Variants in PTBP2 observed in about 807,000 individuals in gnomAD.
The protein encoded by PTBP2 is polypyrimidine tract-binding protein 2.
PTBP2 carries 13 observed loss-of-function variants against 61.4 expected under a neutral mutation model. The observed-to-expected ratio is 0.21, with a 90% CI of 0.14 to 0.34. PTBP2 has a LOEUF of 0.34. Among genes scored for constraint, PTBP2 ranks in the 10% least tolerant of loss-of-function variants. The pLI is 1.00. For missense variants in PTBP2, 405 were observed against 642.6 expected (o/e 0.63, Z 4.00); for synonymous variants, 215 against 218.5 (o/e 0.98, Z 0.14).
intron 3 of PTBP2, among the ~76,000 whole-genome samples, chr1:96,756,476 G>T (rs1471035658): frequency 6.6e-6 from 1 of 152,180 alleles, no homozygotes; most frequent in South Asian, 2.1e-4. Context: ...CTTAGTCTGC[G>T]CAGAAAGTAG....
chr1:96,768,203 G>A (rs1222963564), intron 3 of PTBP2, among the ~76,000 whole-genome samples: 2 of 152,000 alleles, frequency 1.3e-5, no homozygotes, highest in Admixed American at 6.6e-5. Context: ...AGTTAGTCCA[G>A]CTCCCTACTA....
intron 2 of PTBP2, among the ~76,000 whole-genome samples, chr1:96,740,069 G>C (rs955950812): frequency 6.6e-6 from 1 of 152,082 alleles, no homozygotes; most frequent in Admixed American, 6.5e-5. Context: ...AATGTCCTCA[G>C]GGTCCATCCA....
At chr1:96,769,209 A>G (rs1657102398) in intron 3 of PTBP2, among the ~76,000 whole-genome samples, 1 of 152,030 alleles carries the variant, frequency 6.6e-6, no homozygotes, top group South Asian at 2.1e-4. Context: ...TAGGCAACAA[A>G]TTTGACAGCA....
intron 8 of PTBP2, among the ~76,000 whole-genome samples, chr1:96,792,255 A>G (rs1659930676): frequency 1.3e-5 from 2 of 152,198 alleles, no homozygotes; most frequent in South Asian, 4.1e-4. Flanking sequence ...ACTAATATTA[A>G]CCATTTTTGT....
intron 3 of PTBP2, among the ~76,000 whole-genome samples, chr1:96,763,533 G>A (rs574245738): frequency 5.5e-5 from 8 of 146,758 alleles, no homozygotes; most frequent in Non-Finnish European, 7.5e-5. Flanking sequence ...CAGCAGTACA[G>A]TCCAGCTTCG....
At position 96,728,377 on chromosome 1, in the gene PTBP2, T is replaced by A. The variant is rs1048533745; in HGVS notation, c.39+4783T>A. 2.0e-5 allele frequency among the ~76,000 whole-genome samples: 3 copies of A among 152,244 alleles called. No individual in the cohort carries two copies. The South Asian group carries it at 6.2e-4, about 31-fold the overall frequency. On this transcript the variant is annotated intron_variant, in intron 2 of 13. Transcript: ENST00000674951. ...AATATTTTGAATATGGTACAAAGTGTGGGTCAGAAGTATTTGGTTTTGCAT... is the reference window on the plus strand; with the variant it reads ...AATATTTTGAATATGGTACAAAGTGAGGGTCAGAAGTATTTGGTTTTGCAT...
chr1:96,809,832 G>A (rs1262391641), intron 11 of PTBP2, among the ~76,000 whole-genome samples: 1 of 151,952 alleles, frequency 6.6e-6, no homozygotes, highest in African/African-American at 2.4e-5. Context: ...AAGTCTTGAC[G>A]GGAAGTTTTA....
chr1:96,812,936 T>C lies in PTBP2; in HGVS notation c.1388+8T>C. 1 of 1,603,166 alleles carries C rather than the reference T, an allele frequency of 6.2e-7. No individual in the cohort carries two copies. The highest frequency in any genetic ancestry group is 8.5e-7 in the Non-Finnish European group (1 of 1,170,168). ...TCACCTATCTAATATCCCGTAAGTA[T>C]ATAAGCTAGAGTGTATTGAGATACA... On this transcript the variant is annotated splice_region_variant and intron_variant, in intron 12 of 13. Coordinates refer to ENST00000674951, the MANE Select transcript of PTBP2 (RefSeq NM_021190.4).
At chr1:96,722,973 A>G (rs1293263661) in intron 1 of PTBP2, among the ~76,000 whole-genome samples, 1 of 152,228 alleles carries the variant, frequency 6.6e-6, no homozygotes, top group African/African-American at 2.4e-5. Flanking sequence ...AAGTACATTT[A>G]TTAAAATCAG....
intron 2 of PTBP2, among the ~76,000 whole-genome samples, chr1:96,736,710 G>T (rs963042013): frequency 6.6e-6 from 1 of 151,950 alleles, no homozygotes; most frequent in African/African-American, 2.4e-5. Context: ...TTAAGATAGG[G>T]TCTTGCTCTG....
rs1320148501 is a variant in PTBP2 at position 96,814,503 on chromosome 1, C to T, written c.*1098C>T. 6.6e-6 allele frequency: 1 copy of T among 152,460 alleles called. No homozygotes were observed. The highest frequency in any genetic ancestry group is 1.5e-5 in the Non-Finnish European group (1 of 67,954). 9.4% of individuals were successfully genotyped at this position (152,460 alleles called of 1,614,324 possible). The stretch of plus-strand genomic sequence containing the variant: ...ATTGTAATATTCAGTTTTAATAAAT[C>T]TTCAAAATATTTTGTATTTAGGAAT... On this transcript the variant is annotated 3_prime_UTR_variant, in exon 14 of 14. Coordinates refer to ENST00000674951, the MANE Select transcript of PTBP2 (RefSeq NM_021190.4).
At chr1:96,811,415 G>A (rs911296702) in intron 11 of PTBP2, among the ~76,000 whole-genome samples, 18 of 151,814 alleles carry the variant, frequency 1.2e-4, no homozygotes, top group African/African-American at 4.3e-4. Context: ...ACTGTTTTTT[G>A]TTGGTTTTTG....
At chr1:96,770,114 T>C (rs868657747) in intron 4 of PTBP2, among the ~76,000 whole-genome samples, 56 of 152,190 alleles carry the variant, frequency 3.7e-4, no homozygotes, top group African/African-American at 1.2e-3. Context: ...ATAATTGTTA[T>C]GAAATTGTGG....
intron 1 of PTBP2, among the ~76,000 whole-genome samples, chr1:96,722,833 G>GTC (rs1181567327): frequency 6.6e-6 from 1 of 152,172 alleles, no homozygotes; most frequent in Non-Finnish European, 1.5e-5. Context: ...AGGGACCGAT[G>GTC]TCTCGCTCAT....
intron 11 of PTBP2, among the ~76,000 whole-genome samples, chr1:96,809,947 G>A (rs778195877): frequency 2.0e-5 from 3 of 151,730 alleles, no homozygotes; most frequent in Admixed American, 1.3e-4. Flanking sequence ...GCCACAAGTT[G>A]GATTCTTTGA....
intron 5 of PTBP2, among the ~76,000 whole-genome samples, chr1:96,774,841 T>C (rs1396143852): frequency 1.3e-5 from 2 of 152,240 alleles, no homozygotes; most frequent in Admixed American, 1.3e-4. Flanking sequence ...TTACTACTTT[T>C]TGTCTTGTCT....
At chr1:96,809,327 G>A (rs1413156969) in intron 11 of PTBP2, among the ~76,000 whole-genome samples, 1 of 152,146 alleles carries the variant, frequency 6.6e-6, no homozygotes, top group Non-Finnish European at 1.5e-5. Flanking sequence ...AAACGCATAT[G>A]GAACATTTTT....
chr1:96,785,192 A>T lies in PTBP2; in HGVS notation c.842A>T (p.Asp281Val). The change falls in exon 8 of 14, where the codon GAT becomes GTT. Residue 281 changes from aspartate (D) to valine (V), a missense_variant. Asp to Val is a radical substitution (Grantham distance 152). Around this residue, in one of 4 missense-constraint regions of PTBP2, gnomAD observed 342 missense variants for 491.2 expected, o/e 0.70. Transcript: ENST00000674951. Reference protein sequence around the residue: ...DYTRPDLPSGDGQPALDPAIA... With the variant: ...DYTRPDLPSGVGQPALDPAIA... ...ACTCGACCTGATCTTCCATCTGGGG[A>T]TGGACAACCTGCATTGGACCCAGCT... The T allele has an allele frequency of 1.2e-6, 2 of 1,611,146 alleles. No homozygotes were observed. Among genetic ancestry groups the T allele is most frequent in the Non-Finnish European group, 1.7e-6 (2 of 1,178,850 alleles).
intron 8 of PTBP2, among the ~76,000 whole-genome samples, chr1:96,788,368 G>T (rs1337124696): frequency 6.6e-6 from 1 of 151,952 alleles, no homozygotes; most frequent in Non-Finnish European, 1.5e-5. Context: ...TCATTTGTAG[G>T]ACATGAAGAC....
Sources: gnomAD v4.1 joint callset for allele counts (sites outside exome capture counted in the v4.1 genomes callset) on GRCh38, gnomAD v4.1.1 for gene constraint, gnomAD v4.1.1 regional missense constraint, MANE v1.5 for transcripts, NCBI Gene and HGNC (gene_info 2026-07-23, HGNC 2026-07-21) for gene names.